The following GAS7 variants were observed in gnomAD, a reference collection of about 807,000 sequenced individuals.
The protein encoded by GAS7 is growth arrest specific 7, also known as growth arrest-specific protein 7.
Under a neutral mutation model 71.1 loss-of-function variants are expected in GAS7, and 28 were observed. The ratio of observed to expected loss-of-function variants is 0.39; its 90% confidence interval spans 0.29 to 0.54. The LOEUF (loss-of-function observed/expected upper bound fraction) is 0.54. GAS7 is among the 20% of genes least tolerant of loss of function. GAS7 has a pLI of 0.62. For missense variants in GAS7, 436 were observed against 627.8 expected, an observed-to-expected ratio of 0.69 and a Z score of 3.27; for synonymous variants, 258 against 245.8, an observed-to-expected ratio of 1.05 and a Z score of -0.46.
chr17:10,050,525 G>A (rs945713545), intron 1 of GAS7, among the ~76,000 whole-genome samples: 1 of 152,030 alleles, frequency 6.6e-6, no homozygotes, highest in Non-Finnish European at 1.5e-5. Flanking sequence ...TCACCCCCAT[G>A]ACTAGAGGGC....
intron 1 of GAS7, among the ~76,000 whole-genome samples, chr17:10,117,460 G>C (rs1483522675): frequency 6.6e-6 from 1 of 152,134 alleles, no homozygotes; most frequent in African/African-American, 2.4e-5. Context: ...AGGGAGTTGG[G>C]CTGCAAAGGC....
intron 1 of GAS7, among the ~76,000 whole-genome samples, chr17:10,197,388 A>T (rs1328235329): frequency 7.2e-6 from 1 of 138,118 alleles, no homozygotes; most frequent in Non-Finnish European, 1.7e-5. Context: ...AGTAAAGGGG[A>T]TGTCCTGGAA....
At chr17:9,925,989 G>A (rs1489547523) in intron 10 of GAS7, among the ~76,000 whole-genome samples, 1 of 151,952 alleles carries the variant, frequency 6.6e-6, no homozygotes, top group East Asian at 1.9e-4. Flanking sequence ...CAGCCCTCCC[G>A]TTCTGGAGCT....
intron 1 of GAS7, among the ~76,000 whole-genome samples, chr17:10,145,750 G>A (rs538857465): frequency 6.6e-6 from 1 of 152,278 alleles, no homozygotes; most frequent in Admixed American, 6.5e-5. Flanking sequence ...TGGCCCAGGA[G>A]TCAACTGAGG....
chr17:9,975,299 G>A (rs2070143242), intron 3 of GAS7, among the ~76,000 whole-genome samples: 1 of 152,104 alleles, frequency 6.6e-6, no homozygotes, highest in Admixed American at 6.5e-5. Flanking sequence ...AGGCTGCAGT[G>A]AGCCAAGATC....
intron 1 of GAS7, among the ~76,000 whole-genome samples, chr17:10,161,377 T>G (rs1413619612): frequency 6.6e-6 from 1 of 152,214 alleles, no homozygotes; most frequent in Non-Finnish European, 1.5e-5. Flanking sequence ...CAACCAATAG[T>G]TCACTCATTT....
In GAS7 at chr17:9,919,752, A is replaced by G. The variant is rs1261322427; in HGVS notation, c.1139-47T>C. The G allele has an allele frequency of 1.5e-6, 2 of 1,360,232 alleles. No homozygotes were observed. The highest frequency in any genetic ancestry group is 1.7e-5 in the Admixed American group (1 of 59,700). The allele number at this position is 1,360,232 out of a possible 1,614,324, so 84.3% of individuals were successfully genotyped here. On this transcript the variant is annotated intron_variant, in intron 11 of 13. Transcript: ENST00000432992. This position sits in a 1 kb window ranked among gnomAD's most constrained non-coding sequence, Gnocchi z 5.0. ...CATCATGAAGCATCCTATCCTCACCATGACTCTGTGCCCCACCCTGAGCCC... is the reference window on the plus strand; with the variant it reads ...CATCATGAAGCATCCTATCCTCACCGTGACTCTGTGCCCCACCCTGAGCCC...
At chr17:10,027,718 A>G (rs1249280415) in intron 1 of GAS7, among the ~76,000 whole-genome samples, 1 of 152,202 alleles carries the variant, frequency 6.6e-6, no homozygotes, top group Non-Finnish European at 1.5e-5. Context: ...GGAACTTCCC[A>G]GTCTCCAGAA....
chr17:10,091,108 G>C (rs1006602583), intron 1 of GAS7, among the ~76,000 whole-genome samples: 1 of 152,050 alleles, frequency 6.6e-6, no homozygotes, highest in Admixed American at 6.5e-5. Context: ...TGCTTTTATT[G>C]TGGCCATGTT....
chr17:10,132,077 T>C (rs2074001675), intron 1 of GAS7, among the ~76,000 whole-genome samples: 1 of 152,244 alleles, frequency 6.6e-6, no homozygotes, highest in African/African-American at 2.4e-5. Flanking sequence ...ACTCAATACA[T>C]GTACTCGTGA....
chr17:10,018,299 T>TC lies in GAS7; in HGVS notation c.304+1477dup, dbSNP rs572756511. On this transcript the variant is annotated intron_variant, in intron 2 of 13. Transcript: ENST00000432992. ...AGATGCTGAAATTCAGAAAGCCATTTCCCCCCATGCCCCTTTGCAATAGAG... is the reference window on the plus strand; with the variant it reads ...AGATGCTGAAATTCAGAAAGCCATTTCCCCCCCATGCCCCTTTGCAATAGAG... Among the ~76,000 whole-genome samples the TC allele has an allele frequency of 2.8e-3, 428 of 152,252 alleles. 2 individuals are homozygous for TC. The highest frequency in any genetic ancestry group is 4.5e-3 in the Non-Finnish European group (306 of 68,008).
intron 2 of GAS7, among the ~76,000 whole-genome samples, chr17:10,014,412 T>C (rs1048901736): frequency 6.6e-6 from 1 of 152,196 alleles, no homozygotes; most frequent in Non-Finnish European, 1.5e-5. Flanking sequence ...ATTCTGATCA[T>C]GTCACGCCAC....
chr17:10,031,314 A>G (rs925759714), intron 1 of GAS7, among the ~76,000 whole-genome samples: 1 of 152,234 alleles, frequency 6.6e-6, no homozygotes, highest in African/African-American at 2.4e-5. Context: ...GATCTGGTTA[A>G]CCAGGAATTT....
chr17:10,100,133 G>A (rs772654943), intron 1 of GAS7, among the ~76,000 whole-genome samples: 4 of 152,082 alleles, frequency 2.6e-5, no homozygotes, highest in African/African-American at 7.2e-5. Context: ...GGAATTATTC[G>A]GATTTAAAAT....
intron 1 of GAS7, among the ~76,000 whole-genome samples, chr17:10,196,433 T>C (rs2074541132): frequency 6.6e-6 from 1 of 152,128 alleles, no homozygotes; most frequent in South Asian, 2.1e-4. Context: ...ATGCTTCTGT[T>C]GCAAGTTACT....
At position 10,152,685 on chromosome 17, in the gene GAS7, C is replaced by T. The variant is rs1392003760; in HGVS notation, c.183+45523G>A. Reference sequence around the variant, plus strand: ...GAGGAGGAGACGCAGCCTTCAAGGCCTCTCTATATTAACATAAATGCTCCA... The same window carrying T: ...GAGGAGGAGACGCAGCCTTCAAGGCTTCTCTATATTAACATAAATGCTCCA... On this transcript the variant is annotated intron_variant, in intron 1 of 13. Coordinates refer to ENST00000432992, the MANE Select transcript of GAS7 (RefSeq NM_201433.2). Among the ~76,000 whole-genome samples the T allele has an allele frequency of 2.0e-5, 3 of 152,274 alleles. No individual in the cohort carries two copies. In the East Asian group the frequency reaches 5.8e-4, roughly 29 times the overall value.
At chr17:10,106,329 C>A (rs1486379123) in intron 1 of GAS7, among the ~76,000 whole-genome samples, 1 of 152,184 alleles carries the variant, frequency 6.6e-6, no homozygotes, top group Non-Finnish European at 1.5e-5. Context: ...CTGATCTTCT[C>A]CAGCACCTGT....
At position 9,976,156 on chromosome 17, in the gene GAS7, T is replaced by C. The variant is rs1207636135; in HGVS notation, c.385+5648A>G. Among the ~76,000 whole-genome samples, 5 of 152,270 alleles carry C rather than the reference T, an allele frequency of 3.3e-5. No individual in the cohort carries two copies. In the East Asian group the frequency reaches 9.6e-4, roughly 29 times the overall value. The stretch of plus-strand genomic sequence containing the variant: ...TCTCCTAGTTGTCTAAGATGTGAAC[T>C]GCGTTCCCAAAGACAGACTGATAAA... On this transcript the variant is annotated intron_variant, in intron 3 of 13. Coordinates refer to ENST00000432992, the MANE Select transcript of GAS7 (RefSeq NM_201433.2).
intron 1 of GAS7, among the ~76,000 whole-genome samples, chr17:10,051,735 T>C (rs564735141): frequency 3.3e-5 from 5 of 152,310 alleles, no homozygotes; most frequent in Non-Finnish European, 4.4e-5. Context: ...AATGGCCTCA[T>C]GTGCCTTCAT....
Sources: allele counts gnomAD v4.1 joint callset (sites outside exome capture counted in the v4.1 genomes callset), GRCh38; gene constraint gnomAD v4.1.1; non-coding constraint Gnocchi (gnomAD v3.1); transcripts MANE v1.5; gene names NCBI Gene and HGNC (gene_info 2026-07-23, HGNC 2026-07-21).